The following DNAJC10 variants were observed in gnomAD, a reference collection of about 807,000 sequenced individuals.
DNAJC10 encodes the protein DnaJ heat shock protein family (Hsp40) member C10, also known as endoplasmic reticulum disulfide reductase DNAJC10.
A neutral mutation model predicts 115.0 loss-of-function variants in DNAJC10; 101 were observed. The ratio of observed to expected loss-of-function variants is 0.88; its 90% confidence interval spans 0.75 to 1.04. The LOEUF (loss-of-function observed/expected upper bound fraction) is 1.04. DNAJC10 is among the 50% of genes least tolerant of loss of function. DNAJC10 has a pLI of 0.00. For missense variants in DNAJC10, 981 were observed against 928.8 expected, an observed-to-expected ratio of 1.06 and a Z score of -0.73; for synonymous variants, 307 against 301.5, an observed-to-expected ratio of 1.02 and a Z score of -0.19.
chr2:182,746,388 A>C (rs1693866864), intron 14 of DNAJC10, among the ~76,000 whole-genome samples: 1 of 152,150 alleles, frequency 6.6e-6, no homozygotes, highest in African/African-American at 2.4e-5. Context: ...CATCCTCTCC[A>C]GCACCTGTTG....
In DNAJC10 at chr2:182,781,430, G is replaced by A. The variant is rs1295136387; in HGVS notation, c.*4298G>A. 2.0e-5 allele frequency: 3 copies of A among 152,128 alleles called. No individual in the cohort carries two copies. The highest frequency in any genetic ancestry group is 4.4e-5 in the Non-Finnish European group (3 of 68,030). 9.4% of individuals were successfully genotyped at this position (152,128 alleles called of 1,614,324 possible). A position where few individuals can be genotyped will look rare whatever the true frequency, so the allele number is the denominator to read the frequency against. ...ATAGTGCTCCAATAAACATACGTGTGCATGTGTCTTTATAGTAAAATTATT... is the reference window on the plus strand; with the variant it reads ...ATAGTGCTCCAATAAACATACGTGTACATGTGTCTTTATAGTAAAATTATT... On this transcript the variant is annotated 3_prime_UTR_variant, in exon 24 of 24. Transcript: ENST00000264065.
intron 14 of DNAJC10, among the ~76,000 whole-genome samples, chr2:182,745,868 C>G (rs1693850362): frequency 6.6e-6 from 1 of 152,196 alleles, no homozygotes; most frequent in Non-Finnish European, 1.5e-5. Flanking sequence ...AGGTATATCT[C>G]CCCATGCTAT....
At chr2:182,737,212 A>G (rs558103948) in intron 11 of DNAJC10, among the ~76,000 whole-genome samples, 3 of 152,292 alleles carry the variant, frequency 2.0e-5, no homozygotes, top group South Asian at 2.1e-4. Flanking sequence ...CTGAAGCTCA[A>G]TCTAGTTGTC....
chr2:182,719,873 G>T, intron 3 of DNAJC10, 134 bp from the exon 4 acceptor site: 1 of 332,206 alleles, frequency 3.0e-6, no homozygotes, highest in Non-Finnish European at 5.2e-6. Flanking sequence ...CTCATGTCAT[G>T]TTGTATTACC....
Position 182,761,606 on chromosome 2 carries a change from T to C in DNAJC10, c.2146-1076T>C, listed in dbSNP as rs112570691. Reference sequence around the variant, plus strand: ...TAAGAATAAATAGGATTGAATGTGATAGATGAAGGATAGAGAGGAGTCTGG... The same window carrying C: ...TAAGAATAAATAGGATTGAATGTGACAGATGAAGGATAGAGAGGAGTCTGG... On this transcript the variant is annotated intron_variant, in intron 21 of 23. Transcript: ENST00000264065. 7.9e-3 allele frequency among the ~76,000 whole-genome samples: 1,205 copies of C among 152,186 alleles called. 6 individuals carry two copies. The highest frequency in any genetic ancestry group is 0.032 in the South Asian group (153 of 4,818).
chr2:182,776,829 A>G (rs1694719158), intron 23 of DNAJC10, among the ~76,000 whole-genome samples: 1 of 152,220 alleles, frequency 6.6e-6, no homozygotes, highest in Non-Finnish European at 1.5e-5. Flanking sequence ...AAAAATTGTC[A>G]TAATCTAAAA....
intron 18 of DNAJC10, 53 bp downstream of exon 18, chr2:182,756,522 T>G: frequency 6.6e-7 from 1 of 1,525,596 alleles, no homozygotes; most frequent in Non-Finnish European, 8.9e-7. Context: ...GAATGTTTAT[T>G]TAACAGAATT....
rs1694929333 is a variant in DNAJC10 at position 182,785,477 on chromosome 2, G to T, written c.*8345G>T. On this transcript the variant is annotated 3_prime_UTR_variant, in exon 24 of 24. Coordinates refer to ENST00000264065, the MANE Select transcript of DNAJC10 (RefSeq NM_018981.4). ...TGGAAAAATTGCTTACTTCATATCT[G>T]TATCCTAATTATCCTAATTAACTCG... The T allele has an allele frequency of 6.6e-6, 1 of 151,986 alleles. No homozygotes were observed. 9.4% of individuals were successfully genotyped at this position (151,986 alleles called of 1,614,324 possible). A position where few individuals can be genotyped will look rare whatever the true frequency, so the allele number is the denominator to read the frequency against.
intron 4 of DNAJC10, among the ~76,000 whole-genome samples, chr2:182,720,811 G>A (rs1248017256): frequency 6.6e-6 from 1 of 151,992 alleles, no homozygotes; most frequent in Non-Finnish European, 1.5e-5. Context: ...ATATTTTAGA[G>A]CATCATATTG....
In DNAJC10 at chr2:182,781,188, A is replaced by G. The variant is rs756665530; in HGVS notation, c.*4056A>G. 6 of 151,486 alleles carry G rather than the reference A, an allele frequency of 4.0e-5. No homozygotes were observed. The highest frequency in any genetic ancestry group is 7.3e-5 in the African/African-American group (3 of 41,154). 9.4% of individuals were successfully genotyped at this position (151,486 alleles called of 1,614,324 possible). A position where few individuals can be genotyped will look rare whatever the true frequency, so the allele number is the denominator to read the frequency against. On this transcript the variant is annotated 3_prime_UTR_variant, in exon 24 of 24. Transcript: ENST00000264065. Reference sequence around the variant, plus strand: ...TGTGTCCATATGTTCTCATTGTTCAACTCCCACTTACGAGTGACAACATGT... The same window carrying G: ...TGTGTCCATATGTTCTCATTGTTCAGCTCCCACTTACGAGTGACAACATGT...
chr2:182,744,375 C>T (rs2105652198), intron 14 of DNAJC10, among the ~76,000 whole-genome samples: 1 of 152,184 alleles, frequency 6.6e-6, no homozygotes, highest in East Asian at 1.9e-4. Context: ...TGAACTCCTT[C>T]AAGAAGTTTA....
intron 11 of DNAJC10, chr2:182,739,559 G>T: frequency 5.7e-6 from 7 of 1,222,430 alleles, no homozygotes; most frequent in Non-Finnish European, 7.3e-6. Flanking sequence ...TTCATTGAGA[G>T]AATCAGACCA....
In DNAJC10 at chr2:182,756,320, A is replaced by G. The variant is rs200740800; in HGVS notation, c.1660A>G (p.Met554Val). Residue 554 changes from methionine to valine, a missense_variant, in exon 18 of 24, where the codon ATG (methionine) becomes GTG (valine). By Grantham distance (21) the Met-to-Val change is conservative (BLOSUM62 1). Transcript: ENST00000264065. The stretch of plus-strand genomic sequence containing the variant: ...GAAGCTATATTCTCTTCAGGATCTT[A>G]TGAATCCTTCAGTGGTCTCCCTTAC... ...EQILEFIEDL[M>V]NPSVVSLTPT... The G allele has an allele frequency of 1.2e-6, 2 of 1,611,434 alleles. No homozygotes were observed. The highest frequency in any genetic ancestry group is 2.2e-5 in the East Asian group (1 of 44,828).
intron 14 of DNAJC10, among the ~76,000 whole-genome samples, chr2:182,747,911 C>A (rs1314324887): frequency 6.0e-5 from 9 of 151,036 alleles, no homozygotes; most frequent in South Asian, 4.2e-4. Flanking sequence ...CCCATCAATA[C>A]CTAATTTATG....
Position 182,781,538 on chromosome 2 carries a change from C to T in DNAJC10, c.*4406C>T, listed in dbSNP as rs989860093. The stretch of plus-strand genomic sequence containing the variant: ...TTTCTAGATCCTTGAGGAATCGCCA[C>T]ACTGTCTTCCACAATGGTTGAACAA... On this transcript the variant is annotated 3_prime_UTR_variant, in exon 24 of 24. Transcript: ENST00000264065. The T allele has an allele frequency of 2.6e-5, 4 of 152,192 alleles. No homozygotes were observed. The highest frequency in any genetic ancestry group is 9.7e-5 in the African/African-American group (4 of 41,448). 9.4% of individuals were successfully genotyped at this position (152,192 alleles called of 1,614,324 possible).
rs1695087988 is a variant in DNAJC10, at chr2:182,793,451, T to G, written c.*16319T>G. 6.6e-6 allele frequency: 1 copy of G among 152,124 alleles called. No individual in the cohort carries two copies. The highest frequency in any genetic ancestry group is 2.1e-4 in the South Asian group (1 of 4,816). The allele number at this position is 152,124 out of a possible 1,614,324, so 9.4% of individuals were successfully genotyped here. On this transcript the variant is annotated 3_prime_UTR_variant, in exon 24 of 24. Coordinates refer to ENST00000264065, the MANE Select transcript of DNAJC10 (RefSeq NM_018981.4). ...ACATTTTATTTGAGTGAAGAACAAT[T>G]CATCCATCAGGCAGCACTGAGAACC...
chr2:182,762,109 G>A (rs1377528961), intron 21 of DNAJC10, among the ~76,000 whole-genome samples: 1 of 150,334 alleles, frequency 6.7e-6, no homozygotes, highest in Non-Finnish European at 1.5e-5. Context: ...CTAAAATGTT[G>A]CCAAATAAGC....
At chr2:182,748,223 A>G (rs1373881506) in intron 14 of DNAJC10, among the ~76,000 whole-genome samples, 9 of 151,538 alleles carry the variant, frequency 5.9e-5, no homozygotes, top group South Asian at 2.1e-4. Context: ...CAGCTTTGGT[A>G]TCAGGATGAT....
At chr2:182,718,440 A>G (rs1693057094) in intron 3 of DNAJC10, 150 bp downstream of exon 3, 3 of 706,556 alleles carry the variant, frequency 4.2e-6, no homozygotes, top group Non-Finnish European at 6.5e-6. Flanking sequence ...AAGCACCAAA[A>G]TGTTCTGGAT....
Sources: gnomAD v4.1 joint callset for allele counts (sites outside exome capture counted in the v4.1 genomes callset) on GRCh38, gnomAD v4.1.1 for gene constraint, MANE v1.5 for transcripts, NCBI Gene and HGNC (gene_info 2026-07-23, HGNC 2026-07-21) for gene names.